The following RDX variants were observed in gnomAD, a reference collection of about 807,000 sequenced individuals.
RDX encodes deafness, autosomal recessive 24.
A neutral mutation model predicts 83.7 loss-of-function variants in RDX; 32 were observed. The observed-to-expected ratio is 0.38, with a 90% confidence interval of 0.29 to 0.51. The LOEUF (loss-of-function observed/expected upper bound fraction) is 0.51, where lower values mean the gene tolerates loss of function less well. Ranked by LOEUF, RDX falls within the 20% of genes least tolerant of loss-of-function variation. The probability of loss-of-function intolerance (pLI) is 0.87; values close to 1 mark genes in which losing one functional copy is unlikely to be tolerated. For missense variants in RDX, 600 were observed against 689.9 expected, an observed-to-expected ratio of 0.87 and a Z score of 1.46; for synonymous variants, 229 against 222.7, an observed-to-expected ratio of 1.03 and a Z score of -0.25.
intron 14 of RDX, among the ~76,000 whole-genome samples, chr11:110,215,186 C>A (rs545848976): frequency 4.7e-5 from 7 of 150,074 alleles, no homozygotes; most frequent in African/African-American, 1.7e-4. Flanking sequence ...TGGTGAAACC[C>A]TGCCTCTACT....
chr11:110,273,611 T>G (rs1317666477), intron 2 of RDX, among the ~76,000 whole-genome samples: 1 of 152,256 alleles, frequency 6.6e-6, no homozygotes. Context: ...AATTTTATTG[T>G]GTAAATACCT....
intron 5 of RDX, among the ~76,000 whole-genome samples, chr11:110,260,089 C>T (rs999868862): frequency 4.0e-5 from 6 of 150,916 alleles, no homozygotes; most frequent in African/African-American, 7.3e-5. Context: ...CGGGTTCAAG[C>T]GATTCTCCTG....
intron 5 of RDX, among the ~76,000 whole-genome samples, chr11:110,262,351 G>A (rs1001811571): frequency 2.0e-5 from 3 of 152,140 alleles, no homozygotes; most frequent in South Asian, 2.1e-4. Context: ...TTGGGAGGCC[G>A]AAGCGGGTGG....
At chr11:110,248,401 T>C (rs946939810) in intron 9 of RDX, among the ~76,000 whole-genome samples, 1 of 152,228 alleles carries the variant, frequency 6.6e-6, no homozygotes, top group South Asian at 2.1e-4. Flanking sequence ...TACACTCATG[T>C]ACGTACATAC....
At position 110,263,975 on chromosome 11, in the gene RDX, C is replaced by T. The variant is rs1031071840; in HGVS notation, c.452G>A (p.Arg151Lys). ...TTTCACTTACCGCTGGGGTAGGAGTCTATCATTAGCCAGGTAGCCTGGCTT... is the reference window on the plus strand; with the variant it reads ...TTTCACTTACCGCTGGGGTAGGAGTTTATCATTAGCCAGGTAGCCTGGCTT... ...IHKPGYLAND[R>K]LLPQRVLEQH... Residue 151 changes from arginine (R) to lysine (K), a missense_variant, in exon 5 of 14, where the codon AGA becomes AAA. Physicochemically the swap from Arg to Lys is conservative, Grantham distance 26. Transcript: ENST00000645495. 3 of 1,613,454 alleles carry T rather than the reference C, an allele frequency of 1.9e-6. No homozygotes were observed. The highest frequency in any genetic ancestry group is 2.5e-6 in the Non-Finnish European group (3 of 1,179,612).
At position 110,233,264 on chromosome 11, in the gene RDX, T is replaced by C; in HGVS notation, c.1560A>G (p.Lys520=). ...GAAGTTGCTTCTTAACACGCTCATTTTTCTGTGTTTCGGTTACACGTTCTT... is the reference window on the plus strand; with the variant it reads ...GAAGTTGCTTCTTAACACGCTCATTCTTCTGTGTTTCGGTTACACGTTCTT... ...SEEERVTETQ[K]NERVKKQLQA... The change falls in exon 13 of 14, where the codon AAA becomes AAG. Residue 520 remains lysine (K), a synonymous_variant. Coordinates refer to ENST00000645495, the MANE Select transcript of RDX (RefSeq NM_002906.4). The C allele has an allele frequency of 6.2e-7, 1 of 1,613,682 alleles. No homozygotes were observed. The highest frequency in any genetic ancestry group is 8.5e-7 in the Non-Finnish European group (1 of 1,179,986).
rs933193143 is a variant in RDX, at chr11:110,283,161, C to CT, written c.-64-3406dup. Among the ~76,000 whole-genome samples the CT allele has an allele frequency of 6.2e-4, 94 of 151,268 alleles. 1 individual carries two copies. Among genetic ancestry groups the CT allele is most frequent in the Admixed American group, 3.4e-3 (52 of 15,180 alleles). On this transcript the variant is annotated intron_variant, in intron 1 of 13. Transcript: ENST00000645495. ...TAGAGGTTTTGTCATAAACTAATTT[C>CT]TTTTTTTTTGGAGATGGAGTCTCGC... is the stretch of plus-strand genomic sequence containing the variant.
chr11:110,276,370 C>A (rs1329529098), intron 2 of RDX, among the ~76,000 whole-genome samples: 1 of 152,106 alleles, frequency 6.6e-6, no homozygotes. Flanking sequence ...TTAAACTACT[C>A]AATATCATAT....
intron 2 of RDX, 131 bp from the exon 3 acceptor site, chr11:110,272,750 CAAAG>C (rs1860356264): frequency 2.8e-6 from 2 of 706,068 alleles, no homozygotes; most frequent in East Asian, 5.5e-5. Flanking sequence ...ATTTGAAAAA[CAAAG>C]AGCTTATAAA....
rs1018029398 is a variant in RDX, at chr11:110,296,490, C to G, written c.-88G>C. The G allele has an allele frequency of 6.6e-6, 1 of 151,388 alleles. No homozygotes were observed. Among genetic ancestry groups the G allele is most frequent in the African/African-American group, 2.4e-5 (1 of 41,338 alleles). 9.4% of individuals were successfully genotyped at this position (151,388 alleles called of 1,614,324 possible). Reference sequence around the variant, plus strand: ...ACCCGGAGAGCGGGCGGCTTCTGCCCGCCGGCGTGTGGCTGGGGCGCTGCG... The same window carrying G: ...ACCCGGAGAGCGGGCGGCTTCTGCCGGCCGGCGTGTGGCTGGGGCGCTGCG... On this transcript the variant is annotated 5_prime_UTR_variant, in exon 1 of 14. Coordinates refer to ENST00000645495, the MANE Select transcript of RDX (RefSeq NM_002906.4).
chr11:110,235,470 T>TC (rs1211595993), intron 12 of RDX, among the ~76,000 whole-genome samples: 7 of 152,228 alleles, frequency 4.6e-5, no homozygotes, highest in African/African-American at 1.7e-4. Context: ...TGGGTCTTTA[T>TC]CTCTTAAGTA....
chr11:110,228,723 T>C (rs1377387746), downstream of RDX, among the ~76,000 whole-genome samples: 2 of 151,738 alleles, frequency 1.3e-5, no homozygotes, highest in African/African-American at 4.8e-5. Context: ...AACACAATAA[T>C]ATTGAAACAC....
rs1403111794 is a variant in RDX at position 110,281,957 on chromosome 11, A to C, written c.-64-2201T>G. ...CTCTATCAAAAAAAAAAAAAAAAAAAACCAAACAAACAAAAAAAAAACGAG... is the reference window on the plus strand; with the variant it reads ...CTCTATCAAAAAAAAAAAAAAAAAACACCAAACAAACAAAAAAAAAACGAG... On this transcript the variant is annotated intron_variant, in intron 1 of 13. Transcript: ENST00000645495. 2.2e-5 allele frequency among the ~76,000 whole-genome samples: 3 copies of C among 138,376 alleles called. No individual in the cohort carries two copies. The East Asian group carries it at 6.6e-4, about 30-fold the overall frequency. 90.8% of individuals were successfully genotyped at this position (138,376 alleles called of 152,430 possible).
chr11:110,195,015 G>A (rs1863174319), intron 15 of RDX, among the ~76,000 whole-genome samples: 1 of 150,776 alleles, frequency 6.6e-6, no homozygotes, highest in Admixed American at 6.6e-5. Flanking sequence ...GTTTGAGACA[G>A]GATCTCGCTT....
At chr11:110,191,004 C>T (rs776536559) in intron 15 of RDX, among the ~76,000 whole-genome samples, 1 of 152,184 alleles carries the variant, frequency 6.6e-6, no homozygotes, top group South Asian at 2.1e-4. Context: ...CTGAATTCTA[C>T]CAGATGTACA....
rs1388637083 is a variant in RDX, at chr11:110,247,927, AT to A, written c.960-95del. 5 of 1,424,416 alleles carry A rather than the reference AT, an allele frequency of 3.5e-6. No individual in the cohort carries two copies. In the African/African-American group the frequency reaches 5.7e-5, roughly 16 times the overall value. 88.2% of individuals were successfully genotyped at this position (1,424,416 alleles called of 1,614,324 possible). A position where few individuals can be genotyped will look rare whatever the true frequency, so the allele number is the denominator to read the frequency against. On this transcript the variant is annotated intron_variant, in intron 9 of 13. Coordinates refer to ENST00000645495, the MANE Select transcript of RDX (RefSeq NM_002906.4). ...CTCTGCCATAAAAAGTAACAAAATA[AT>A]GTCTTTTGCAGCAACTTGGATGAAG... is the stretch of plus-strand genomic sequence containing the variant.
chr11:110,245,868 G>T (rs1383634124), intron 10 of RDX, among the ~76,000 whole-genome samples: 1 of 152,114 alleles, frequency 6.6e-6, no homozygotes, highest in Non-Finnish European at 1.5e-5. Flanking sequence ...CTTTTCTGTG[G>T]TTTATCTTCT....
chr11:110,215,111 A>AGC (rs1210142127), intron 14 of RDX, among the ~76,000 whole-genome samples: 25 of 149,914 alleles, frequency 1.7e-4, no homozygotes, highest in African/African-American at 5.1e-4. Context: ...CTGTGATCCC[A>AGC]GCACTTTGGA....
chr11:110,265,019 G>T (rs1591166238), intron 3 of RDX, 145 bp from the exon 4 acceptor site: 1 of 427,414 alleles, frequency 2.3e-6, no homozygotes, highest in Non-Finnish European at 4.1e-6. Context: ...CTAAATTTAA[G>T]ATATTAAAGG....
Sources: allele counts gnomAD v4.1 joint callset (sites outside exome capture counted in the v4.1 genomes callset), GRCh38; gene constraint gnomAD v4.1.1; transcripts MANE v1.5; gene names NCBI Gene and HGNC (gene_info 2026-07-23, HGNC 2026-07-21).